LYPLA2: variants seen among roughly 807,000 people sequenced by gnomAD.
The protein encoded by LYPLA2 is lysophospholipase 2, also known as acyl-protein thioesterase 2.
Under a neutral mutation model 30.3 loss-of-function variants are expected in LYPLA2, and 7 were observed. That is an observed-to-expected ratio of 0.23 (90% confidence interval 0.13 to 0.43). The LOEUF (loss-of-function observed/expected upper bound fraction) is 0.43, where lower values mean the gene tolerates loss of function less well. Among genes scored for constraint, LYPLA2 ranks in the 20% least tolerant of loss-of-function variants. The pLI is 1.00. For synonymous variants in LYPLA2, 112 were observed against 118.2 expected (o/e 0.95, Z 0.34); for missense variants, 206 against 307.9 (o/e 0.67, Z 2.48).
At chr1:23,792,159 G>C (rs569252793) in intron 1 of LYPLA2, 6 of 152,772 alleles carry the variant, frequency 3.9e-5, no homozygotes, top group African/African-American at 1.5e-4. Flanking sequence ...GGGGCTGGGT[G>C]GGGGGAGGTT....
rs137894016 is a variant in LYPLA2 at position 23,793,166 on chromosome 1, C to T, written c.126C>T (p.Asp42=). The change falls in exon 4 of 10, where the codon GAC becomes GAT. Residue 42 remains aspartate (D), a synonymous_variant. Coordinates refer to ENST00000374514, the MANE Select transcript of LYPLA2 (RefSeq NM_007260.3). The surrounding 1 kb of genome is among the most constrained non-coding windows in gnomAD (Gnocchi z 6.0). ...CCTCCTACAGGCACAGCTGGGCTGA[C>T]GCCCTCTCCACCATCCGGCTCCCTC... ...GLGDTGHSWA[D]ALSTIRLPHV... The T allele has an allele frequency of 7.2e-5, 117 of 1,613,916 alleles. No individual in the cohort carries two copies. The highest frequency in any genetic ancestry group is 4.3e-4 in the Admixed American group (26 of 60,002).
At chr1:23,792,595 C>A in intron 1 of LYPLA2, 62 bp from the exon 2 acceptor site, 1 of 1,052,032 alleles carries the variant, frequency 9.5e-7, no homozygotes, top group Non-Finnish European at 1.5e-6. Context: ...CTGGTGGCCT[C>A]TTGGGCCAGG....
rs561998925 is a variant in LYPLA2 at position 23,795,279 on chromosome 1, G to A, written c.*547G>A. On this transcript the variant is annotated 3_prime_UTR_variant, in exon 10 of 10. Coordinates refer to ENST00000374514, the MANE Select transcript of LYPLA2 (RefSeq NM_007260.3). Reference sequence around the variant, plus strand: ...GAGGAGGTGGAGCCTTTTGAGGGGGGCCTTCCCTCAGCTGTTTCCCCACAC... The same window carrying A: ...GAGGAGGTGGAGCCTTTTGAGGGGGACCTTCCCTCAGCTGTTTCCCCACAC... 253 of 244,990 alleles carry A rather than the reference G, an allele frequency of 1.0e-3. 6 individuals are homozygous for A. The South Asian group carries it at 0.011, about 10-fold the overall frequency. The allele number at this position is 244,990 out of a possible 1,614,324, so 15.2% of individuals were successfully genotyped here.
In LYPLA2 at chr1:23,794,468, C is replaced by T; in HGVS notation, c.513C>T (p.Cys171=). 3 of 1,614,100 alleles carry T rather than the reference C, an allele frequency of 1.9e-6. No homozygotes were observed. The highest frequency in any genetic ancestry group is 2.5e-6 in the Non-Finnish European group (3 of 1,179,994). The change falls in exon 9 of 10, where the codon TGC becomes TGT. Residue 171 remains cysteine (C), a synonymous_variant. Transcript: ENST00000374514. This position sits in a 1 kb window ranked among gnomAD's most constrained non-coding sequence, Gnocchi z 5.9. ...CCAAGGACCTGGCCATACTCCAGTG[C>T]CATGGGGAGCTGGACCCCATGGTGC... ...GSAKDLAILQ[C]HGELDPMVPV...
Position 23,794,786 on chromosome 1 carries a change from G to A in LYPLA2, c.*54G>A. ...AGCTCATGGGGGACTCAGCAAGCAA[G>A]CGTGGCACCATCTTGGATCTGAGCC... On this transcript the variant is annotated 3_prime_UTR_variant, in exon 10 of 10. Transcript: ENST00000374514. This position sits in a 1 kb window ranked among gnomAD's most constrained non-coding sequence, Gnocchi z 5.9. 6.2e-7 allele frequency: 1 copy of A among 1,600,132 alleles called. No homozygotes were observed. Among genetic ancestry groups the A allele is most frequent in the Admixed American group, 1.7e-5 (1 of 59,646 alleles).
chr1:23,793,592 G>T lies in LYPLA2; in HGVS notation c.177-113G>T. 2 of 1,099,590 alleles carry T rather than the reference G, an allele frequency of 1.8e-6. No homozygotes were observed. Among genetic ancestry groups the T allele is most frequent in the South Asian group, 1.3e-5 (1 of 78,240 alleles). The allele number at this position is 1,099,590 out of a possible 1,614,324, so 68.1% of individuals were successfully genotyped here. The stretch of plus-strand genomic sequence containing the variant: ...TTGCCTGGCAACACCTTAAACACAG[G>T]CCCTGCCTGCTGGGAGGGGCCACCA... On this transcript the variant is annotated intron_variant, in intron 4 of 9. Transcript: ENST00000374514. This position sits in a 1 kb window ranked among gnomAD's most constrained non-coding sequence, Gnocchi z 6.0.
chr1:23,793,314 G>GCCCAAGCCCCA lies in LYPLA2; in HGVS notation c.176+98_176+99insCCCAAGCCCCA. The stretch of plus-strand genomic sequence containing the variant: ...GTTCTCTCCTGTCAGTTGCATCCTG[G>GCCCAAGCCCCA]GGCTTGGGCTCAGGGCAGTCAGAAG... On this transcript the variant is annotated intron_variant, in intron 4 of 9. Coordinates refer to ENST00000374514, the MANE Select transcript of LYPLA2 (RefSeq NM_007260.3). The surrounding 1 kb of genome is among the most constrained non-coding windows in gnomAD (Gnocchi z 6.0). 1 of 1,288,028 alleles carries GCCCAAGCCCCA rather than the reference G, an allele frequency of 7.8e-7. No homozygotes were observed. The highest frequency in any genetic ancestry group is 1.1e-6 in the Non-Finnish European group (1 of 898,132). 79.8% of individuals were successfully genotyped at this position (1,288,028 alleles called of 1,614,324 possible). A position where few individuals can be genotyped will look rare whatever the true frequency, so the allele number is the denominator to read the frequency against.
Position 23,793,193 on chromosome 1 carries a change from C to T in LYPLA2, c.153C>T (p.His51=), listed in dbSNP as rs371799001. The T allele has an allele frequency of 4.1e-5, 66 of 1,613,832 alleles. No individual in the cohort carries two copies. Among genetic ancestry groups the T allele is most frequent in the East Asian group, 1.6e-4 (7 of 44,894 alleles). ...CCCTCTCCACCATCCGGCTCCCTCA[C>T]GTCAAGTACATCTGTCCCCATGCGT... The part of the protein sequence containing the change: ...ADALSTIRLP[H]VKYICPHAPR... Residue 51 remains histidine, a synonymous_variant, in exon 4 of 10, where the codon CAC becomes CAT. Coordinates refer to ENST00000374514, the MANE Select transcript of LYPLA2 (RefSeq NM_007260.3). This position sits in a 1 kb window ranked among gnomAD's most constrained non-coding sequence, Gnocchi z 6.0.
In LYPLA2 at chr1:23,793,482, G is replaced by A. The variant is rs370422173; in HGVS notation, c.177-223G>A. 2.0e-5 allele frequency among the ~76,000 whole-genome samples: 3 copies of A among 152,264 alleles called. No homozygotes were observed. In the East Asian group the frequency reaches 5.8e-4, roughly 29 times the overall value. The stretch of plus-strand genomic sequence containing the variant: ...TCCCCAAGTACTCACCGACTACCTG[G>A]GACCCCGTCACACCAAGCGCTGGGC... On this transcript the variant is annotated intron_variant, in intron 4 of 9. Coordinates refer to ENST00000374514, the MANE Select transcript of LYPLA2 (RefSeq NM_007260.3). This position sits in a 1 kb window ranked among gnomAD's most constrained non-coding sequence, Gnocchi z 6.0.
rs758462947 is a variant in LYPLA2, at chr1:23,794,665, CCT to C, written c.646-14_646-13del. The stretch of plus-strand genomic sequence containing the variant: ...TCCAGCCAGGTGCCTCTCGTGATCC[CCT>C]CTTAATCCCCTCAGGAGATGGCAGC... On this transcript the variant is annotated splice_polypyrimidine_tract_variant and intron_variant, in intron 9 of 9. Coordinates refer to ENST00000374514, the MANE Select transcript of LYPLA2 (RefSeq NM_007260.3). This position sits in a 1 kb window ranked among gnomAD's most constrained non-coding sequence, Gnocchi z 5.9. 3.1e-6 allele frequency: 5 copies of C among 1,614,056 alleles called. No individual in the cohort carries two copies. The highest frequency in any genetic ancestry group is 2.2e-5 in the East Asian group (1 of 44,884).
chr1:23,793,583 T>C lies in LYPLA2; in HGVS notation c.177-122T>C. 1 of 1,043,294 alleles carries C rather than the reference T, an allele frequency of 9.6e-7. No individual in the cohort carries two copies. Among genetic ancestry groups the C allele is most frequent in the East Asian group, 2.4e-5 (1 of 42,346 alleles). 64.6% of individuals were successfully genotyped at this position (1,043,294 alleles called of 1,614,324 possible). A position where few individuals can be genotyped will look rare whatever the true frequency, so the allele number is the denominator to read the frequency against. ...CGTGGCAGGTTGCCTGGCAACACCT[T>C]AAACACAGGCCCTGCCTGCTGGGAG... On this transcript the variant is annotated intron_variant, in intron 4 of 9. Coordinates refer to ENST00000374514, the MANE Select transcript of LYPLA2 (RefSeq NM_007260.3). The surrounding 1 kb of genome is among the most constrained non-coding windows in gnomAD (Gnocchi z 6.0).
chr1:23,794,157 G>A lies in LYPLA2; in HGVS notation c.369+21G>A. 9.3e-7 allele frequency: 1 copy of A among 1,071,870 alleles called. No individual in the cohort carries two copies. Among genetic ancestry groups the A allele is most frequent in the Non-Finnish European group, 1.4e-6 (1 of 704,682 alleles). 66.4% of individuals were successfully genotyped at this position (1,071,870 alleles called of 1,614,324 possible). On this transcript the variant is annotated intron_variant, in intron 7 of 9. Transcript: ENST00000374514. This position sits in a 1 kb window ranked among gnomAD's most constrained non-coding sequence, Gnocchi z 5.9. ...CACAGGTGAGGGGAGAGGGGTGGGG[G>A]GGTAGGGGGTAGGGGTGGCCGGTGA...
Position 23,793,627 on chromosome 1 carries a change from C to G in LYPLA2, c.177-78C>G. 1.4e-6 allele frequency: 2 copies of G among 1,455,814 alleles called. No individual in the cohort carries two copies. Among genetic ancestry groups the G allele is most frequent in the Admixed American group, 3.3e-5 (2 of 59,728 alleles). The allele number at this position is 1,455,814 out of a possible 1,614,324, so 90.2% of individuals were successfully genotyped here. A position where few individuals can be genotyped will look rare whatever the true frequency, so the allele number is the denominator to read the frequency against. On this transcript the variant is annotated intron_variant, in intron 4 of 9. Transcript: ENST00000374514. The surrounding 1 kb of genome is among the most constrained non-coding windows in gnomAD (Gnocchi z 6.0). Reference sequence around the variant, plus strand: ...CTGGGAGGGGCCACCAGGGGCGGCGCGGCCCCACTCCGGGCTCTGAGCTCT... The same window carrying G: ...CTGGGAGGGGCCACCAGGGGCGGCGGGGCCCCACTCCGGGCTCTGAGCTCT...
In LYPLA2 at chr1:23,793,539, A is replaced by G. The variant is rs1039618582; in HGVS notation, c.177-166A>G. ...TCTCCATTACTGGCGCTTTGCCCCA[A>G]CCACAGCCTCCAGCCCCACGTGGCA... On this transcript the variant is annotated intron_variant, in intron 4 of 9. Coordinates refer to ENST00000374514, the MANE Select transcript of LYPLA2 (RefSeq NM_007260.3). The surrounding 1 kb of genome is among the most constrained non-coding windows in gnomAD (Gnocchi z 6.0). 1 of 742,086 alleles carries G rather than the reference A, an allele frequency of 1.3e-6. No individual in the cohort carries two copies. The allele number at this position is 742,086 out of a possible 1,614,324, so 46.0% of individuals were successfully genotyped here. A position where few individuals can be genotyped will look rare whatever the true frequency, so the allele number is the denominator to read the frequency against.
chr1:23,793,739 G>A lies in LYPLA2; in HGVS notation c.211G>A (p.Val71Met). The change falls in exon 5 of 10, where the codon GTG becomes ATG. Residue 71 changes from valine (V) to methionine (M), a missense_variant. Val to Met is a conservative substitution (Grantham distance 21). Coordinates refer to ENST00000374514, the MANE Select transcript of LYPLA2 (RefSeq NM_007260.3). The surrounding 1 kb of genome is among the most constrained non-coding windows in gnomAD (Gnocchi z 6.0). Reference sequence around the variant, plus strand: ...CCCTGTGACCCTCAACATGAAGATGGTGATGCCCTCCTGGTGAGTTTGGGA... The same window carrying A: ...CCCTGTGACCCTCAACATGAAGATGATGATGCCCTCCTGGTGAGTTTGGGA... The part of the protein sequence containing the change: ...RIPVTLNMKM[V>M]MPSWFDLMGL... 6.2e-7 allele frequency: 1 copy of A among 1,614,112 alleles called. No homozygotes were observed. The highest frequency in any genetic ancestry group is 8.5e-7 in the Non-Finnish European group (1 of 1,179,986).
rs1426369192 is a variant in LYPLA2, at chr1:23,791,232, G to A, written c.-45G>A. 1 of 152,602 alleles carries A rather than the reference G, an allele frequency of 6.6e-6. No individual in the cohort carries two copies. Among genetic ancestry groups the A allele is most frequent in the Non-Finnish European group, 1.5e-5 (1 of 68,096 alleles). The allele number at this position is 152,602 out of a possible 1,614,324, so 9.5% of individuals were successfully genotyped here. ...GAGGAGAATCGCCCAAGCGGCCTCG[G>A]AAGTCCCAGGGAGTGGAGGTACCCA... On this transcript the variant is annotated 5_prime_UTR_variant, in exon 1 of 10. Transcript: ENST00000374514.
In LYPLA2 at chr1:23,794,033, C is replaced by G; in HGVS notation, c.296-30C>G. ...CCCTTATTGGGCCCCTTGGCAGCTTCCCTCTACCCACTCATGCCCCCTCCC... is the reference window on the plus strand; with the variant it reads ...CCCTTATTGGGCCCCTTGGCAGCTTGCCTCTACCCACTCATGCCCCCTCCC... On this transcript the variant is annotated intron_variant, in intron 6 of 9. Transcript: ENST00000374514. This position sits in a 1 kb window ranked among gnomAD's most constrained non-coding sequence, Gnocchi z 5.9. The G allele has an allele frequency of 6.2e-7, 1 of 1,607,952 alleles. No homozygotes were observed. The highest frequency in any genetic ancestry group is 1.7e-4 in the Middle Eastern group (1 of 6,056).
chr1:23,791,461 TAGA>T (rs1638791916), intron 1 of LYPLA2, among the ~76,000 whole-genome samples: 1 of 151,356 alleles, frequency 6.6e-6, no homozygotes, highest in African/African-American at 2.4e-5. Context: ...GGGTCGGAAA[TAGA>T]AGAGCCCATT....
Position 23,793,811 on chromosome 1 carries a change from A to AG in LYPLA2, c.225-44dup. The AG allele has an allele frequency of 1.2e-6, 2 of 1,610,766 alleles. No homozygotes were observed. The highest frequency in any genetic ancestry group is 8.5e-7 in the Non-Finnish European group (1 of 1,177,032). On this transcript the variant is annotated intron_variant, in intron 5 of 9. Transcript: ENST00000374514. The surrounding 1 kb of genome is among the most constrained non-coding windows in gnomAD (Gnocchi z 6.0). ...AGGACACTTGGGCTGAGGGAGCCAC[A>AG]GGGGGCTGGCTGGGGTTTTCTATAG...
Sources: allele counts gnomAD v4.1 joint callset (sites outside exome capture counted in the v4.1 genomes callset), GRCh38; gene constraint gnomAD v4.1.1; non-coding constraint Gnocchi (gnomAD v3.1); transcripts MANE v1.5; gene names NCBI Gene and HGNC (gene_info 2026-07-23, HGNC 2026-07-21).